Variants in SP4 observed in about 807,000 individuals in gnomAD.
SP4 encodes transcription factor Sp4.
SP4 carries 19 observed loss-of-function variants against 72.8 expected under a neutral mutation model. The ratio of observed to expected loss-of-function variants is 0.26; its 90% CI spans 0.18 to 0.38. The LOEUF (loss-of-function observed/expected upper bound fraction) is 0.38, where lower values mean the gene tolerates loss of function less well. SP4 is among the 10% of genes least tolerant of loss of function. The probability of loss-of-function intolerance (pLI) is 1.00; values close to 1 mark genes in which losing one functional copy is unlikely to be tolerated. For synonymous variants in SP4, 395 were observed against 333.1 expected, an observed-to-expected ratio of 1.19 and a Z score of -2.02; for missense variants, 1,008 against 926.3, an observed-to-expected ratio of 1.09 and a Z score of -1.14.
chr7:21,503,338 C>T (rs972054500), intron 5 of SP4, among the ~76,000 whole-genome samples: 4 of 152,158 alleles, frequency 2.6e-5, no homozygotes, highest in Non-Finnish European at 5.9e-5. Flanking sequence ...GAGGGGCAAT[C>T]CCAAGTCTTT....
At chr7:21,445,631 G>GT (rs1783398198) in intron 3 of SP4, among the ~76,000 whole-genome samples, 1 of 152,068 alleles carries the variant, frequency 6.6e-6, no homozygotes, top group African/African-American at 2.4e-5. Flanking sequence ...GATTATTGCT[G>GT]TTTTTAGTAG....
chr7:21,443,753 A>C (rs1783334727), intron 3 of SP4, among the ~76,000 whole-genome samples: 1 of 152,196 alleles, frequency 6.6e-6, no homozygotes, highest in African/African-American at 2.4e-5. Flanking sequence ...AAGAGAGAAG[A>C]GGAAGAGACT....
chr7:21,486,613 A>G (rs1215528292), intron 5 of SP4, among the ~76,000 whole-genome samples: 6 of 152,324 alleles, frequency 3.9e-5, no homozygotes, highest in Non-Finnish European at 8.8e-5. Context: ...TGTCATGAGA[A>G]GAATAGCACA....
intron 3 of SP4, among the ~76,000 whole-genome samples, chr7:21,453,010 C>G (rs1048362733): frequency 1.3e-5 from 2 of 152,102 alleles, no homozygotes; most frequent in African/African-American, 4.8e-5. Context: ...GAACTCCTGA[C>G]CTTGTGATCT....
chr7:21,458,328 G>A (rs1315722992), intron 3 of SP4, among the ~76,000 whole-genome samples: 1 of 152,046 alleles, frequency 6.6e-6, no homozygotes, highest in Non-Finnish European at 1.5e-5. Context: ...GAGTAGCTGG[G>A]ATTACAGGCA....
At chr7:21,437,523 G>C (rs1343528805) in intron 3 of SP4, among the ~76,000 whole-genome samples, 1 of 152,014 alleles carries the variant, frequency 6.6e-6, no homozygotes, top group Non-Finnish European at 1.5e-5. Context: ...CAAATACCAG[G>C]TTGAAGGATG....
Position 21,428,238 on chromosome 7 carries a change from C to G in SP4, c.-14C>G. 8.1e-7 allele frequency: 1 copy of G among 1,240,864 alleles called. No homozygotes were observed. Among genetic ancestry groups the G allele is most frequent in the Non-Finnish European group, 1.1e-6 (1 of 942,248 alleles). 76.9% of individuals were successfully genotyped at this position (1,240,864 alleles called of 1,614,324 possible). ...CCAGTGTCTCCGTCTGAGGGTTTGT[C>G]CTGTTAATGCGGGATGAGCGGTACG... On this transcript the variant is annotated 5_prime_UTR_variant, in exon 1 of 6. Coordinates refer to ENST00000222584, the MANE Select transcript of SP4 (RefSeq NM_003112.5).
At chr7:21,462,990 C>T (rs1046119375) in intron 3 of SP4, among the ~76,000 whole-genome samples, 5 of 152,202 alleles carry the variant, frequency 3.3e-5, no homozygotes, top group African/African-American at 9.6e-5. Flanking sequence ...AACTTATTTC[C>T]TCAGTTGCAT....
intron 5 of SP4, among the ~76,000 whole-genome samples, chr7:21,504,072 G>A (rs984172475): frequency 6.6e-6 from 1 of 152,160 alleles, no homozygotes; most frequent in Non-Finnish European, 1.5e-5. Context: ...CTAGCTTAGG[G>A]ATGTTTGGGA....
Position 21,430,247 on chromosome 7 carries a change from A to G in SP4, c.1082A>G (p.Glu361Gly), listed in dbSNP as rs925472120. Residue 361 changes from glutamate to glycine, a missense_variant, in exon 3 of 6, where the codon GAA (glutamate) becomes GGA (glycine). Physicochemically the swap from Glu to Gly is moderately conservative, Grantham distance 98 (BLOSUM62 -2). Around this residue, in one of 3 missense-constraint regions of SP4, gnomAD observed 893 missense variants for 743.3 expected, o/e 1.20. Transcript: ENST00000222584. ...SASSSERTIE[E>G]SQTPAATESE... ...AGTAGTTCTGAACGCACCATTGAAG[A>G]ATCTCAAACACCTGCTGCTACTGAG... is the stretch of plus-strand genomic sequence containing the variant. 2 of 1,614,108 alleles carry G rather than the reference A, an allele frequency of 1.2e-6. No homozygotes were observed. Among genetic ancestry groups the G allele is most frequent in the Non-Finnish European group, 1.7e-6 (2 of 1,180,052 alleles).
At chr7:21,484,215 C>T (rs1026997812) in intron 5 of SP4, among the ~76,000 whole-genome samples, 2 of 151,764 alleles carry the variant, frequency 1.3e-5, no homozygotes, top group African/African-American at 4.8e-5. Flanking sequence ...TAGAAATGTT[C>T]TAGATTTCGG....
At chr7:21,477,427 A>G (rs945069335) in intron 4 of SP4, 120 bp downstream of exon 4, 1 of 656,618 alleles carries the variant, frequency 1.5e-6, no homozygotes, top group Admixed American at 2.6e-5. Context: ...CTAGAAGTTG[A>G]TATATAATAT....
At chr7:21,488,060 T>C (rs1279826259) in intron 5 of SP4, among the ~76,000 whole-genome samples, 5 of 152,176 alleles carry the variant, frequency 3.3e-5, no homozygotes, top group Admixed American at 2.6e-4. Flanking sequence ...GACAGATTTT[T>C]CTCAGTGTTG....
intron 5 of SP4, among the ~76,000 whole-genome samples, chr7:21,487,078 G>A (rs1784833982): frequency 6.6e-6 from 1 of 152,048 alleles, no homozygotes; most frequent in South Asian, 2.1e-4. Context: ...TATTTACATT[G>A]GTATGGTCTC....
intron 3 of SP4, among the ~76,000 whole-genome samples, chr7:21,448,583 C>T (rs960035127): frequency 8.5e-5 from 13 of 152,244 alleles, no homozygotes; most frequent in African/African-American, 2.2e-4. Flanking sequence ...CTTTAGCTTT[C>T]ACAAGCCTCA....
chr7:21,446,446 T>TA (rs1024765355), intron 3 of SP4, among the ~76,000 whole-genome samples: 152 of 146,986 alleles, frequency 1.0e-3, no homozygotes, highest in African/African-American at 2.8e-3. Context: ...ATGACATATT[T>TA]AAAAAAAAAA....
intron 5 of SP4, among the ~76,000 whole-genome samples, chr7:21,497,298 AGATGGT>A: frequency 3.8e-5 from 1 of 26,390 alleles, no homozygotes; most frequent in East Asian, 3.7e-4. Flanking sequence ...AGTGGCTGCC[AGATGGT>A]GCCAAGAATT....
chr7:21,465,910 A>G (rs1321585573), intron 3 of SP4, among the ~76,000 whole-genome samples: 1 of 151,954 alleles, frequency 6.6e-6, no homozygotes, highest in Admixed American at 6.6e-5. Flanking sequence ...TATCCTTCCA[A>G]CCCTATCTTT....
intron 5 of SP4, among the ~76,000 whole-genome samples, chr7:21,499,079 C>CAAAAAAAAAAAAAAAAAACAAAAAAAA (rs1781799652): frequency 1.0e-5 from 1 of 99,590 alleles, no homozygotes; most frequent in Non-Finnish European, 2.1e-5. Context: ...GACTCTGTCT[C>CAAAAAAAAAAAAAAAAAACAAAAAAAA]AAAAAAAAAA....
Sources: gnomAD v4.1 joint callset for allele counts (sites outside exome capture counted in the v4.1 genomes callset) on GRCh38, gnomAD v4.1.1 for gene constraint, gnomAD v4.1.1 regional missense constraint, MANE v1.5 for transcripts, NCBI Gene and HGNC (gene_info 2026-07-23, HGNC 2026-07-21) for gene names.